RBPMS: variants seen among roughly 807,000 people sequenced by gnomAD.
RBPMS encodes RNA binding protein, mRNA processing factor.
A neutral mutation model predicts 26.8 loss-of-function variants in RBPMS; 7 were observed. That is an observed-to-expected ratio of 0.26 (90% confidence interval 0.15 to 0.49). The LOEUF (loss-of-function observed/expected upper bound fraction) is 0.49. RBPMS is among the 20% of genes least tolerant of loss of function. The pLI, the probability that RBPMS is intolerant of heterozygous loss-of-function variation, is 0.98. For missense variants in RBPMS, 186 were observed against 250.0 expected, an observed-to-expected ratio of 0.74 and a Z score of 1.73; for synonymous variants, 96 against 93.3, an observed-to-expected ratio of 1.03 and a Z score of -0.17.
intron 1 of RBPMS, among the ~76,000 whole-genome samples, chr8:30,437,606 C>G (rs1182286158): frequency 1.3e-5 from 2 of 152,014 alleles, no homozygotes; most frequent in Non-Finnish European, 2.9e-5. Flanking sequence ...GCCTGGCCAA[C>G]ATGGCAAAAC....
At chr8:30,474,418 C>T (rs1032535459) in intron 1 of RBPMS, among the ~76,000 whole-genome samples, 5 of 152,002 alleles carry the variant, frequency 3.3e-5, no homozygotes, top group Non-Finnish European at 5.9e-5. Flanking sequence ...TATGGAACCT[C>T]CCCCCATCCT....
At chr8:30,554,162 A>C (rs7825548) in intron 6 of RBPMS, among the ~76,000 whole-genome samples, 1,746 of 152,356 alleles carry the variant, frequency 0.011, 29 homozygotes, top group African/African-American at 0.041. Flanking sequence ...CAGGTACAGC[A>C]TCTGCACTAG....
chr8:30,457,349 C>A (rs1815334932), intron 1 of RBPMS, among the ~76,000 whole-genome samples: 2 of 151,884 alleles, frequency 1.3e-5, no homozygotes, highest in Non-Finnish European at 2.9e-5. Flanking sequence ...TTTGTAAATT[C>A]CAAGGTCCTG....
Position 30,449,415 on chromosome 8 carries a change from G to A in RBPMS, c.67-25364G>A, listed in dbSNP as rs868348573. Among the ~76,000 whole-genome samples, 14 of 136,936 alleles carry A rather than the reference G, an allele frequency of 1.0e-4. 1 individual carries two copies. In the Middle Eastern group the frequency reaches 0.031, roughly 308 times the overall value. The allele number at this position is 136,936 out of a possible 152,430, so 89.8% of individuals were successfully genotyped here. On this transcript the variant is annotated intron_variant, in intron 1 of 8. Coordinates refer to ENST00000397323, the MANE Select transcript of RBPMS (RefSeq NM_001008710.3). ...TGAGACAGAGTGAGACTCTTGCCCC[G>A]GCTGGAGTGCAATGGCACGATTTCA...
At chr8:30,476,036 A>G (rs896449555) in intron 2 of RBPMS, among the ~76,000 whole-genome samples, 1 of 152,210 alleles carries the variant, frequency 6.6e-6, no homozygotes, top group Non-Finnish European at 1.5e-5. Flanking sequence ...TTTTTATAGA[A>G]TGCAAACTTT....
At chr8:30,557,497 A>G (rs1473403586) in intron 6 of RBPMS, among the ~76,000 whole-genome samples, 3 of 152,296 alleles carry the variant, frequency 2.0e-5, no homozygotes, top group Non-Finnish European at 4.4e-5. Flanking sequence ...CCTGTAAAAC[A>G]AGGAGATGAG....
intron 4 of RBPMS, among the ~76,000 whole-genome samples, chr8:30,485,572 G>T (rs1438522185): frequency 1.3e-5 from 2 of 152,192 alleles, no homozygotes; most frequent in Non-Finnish European, 2.9e-5. Context: ...GACGTCACAG[G>T]GTTGGGAACG....
rs1357545234 is a variant in RBPMS, at chr8:30,571,694, A to G, written c.*1169A>G. Reference sequence around the variant, plus strand: ...TGTGAGACGTCCTGCCACACCCCACAGGAGACGGAGGCAGTGGGCATTTGG... The same window carrying G: ...TGTGAGACGTCCTGCCACACCCCACGGGAGACGGAGGCAGTGGGCATTTGG... On this transcript the variant is annotated 3_prime_UTR_variant, in exon 9 of 9. Coordinates refer to ENST00000397323, the MANE Select transcript of RBPMS (RefSeq NM_001008710.3). 1 of 152,314 alleles carries G rather than the reference A, an allele frequency of 6.6e-6. No homozygotes were observed. Among genetic ancestry groups the G allele is most frequent in the Non-Finnish European group, 1.5e-5 (1 of 68,066 alleles). 9.4% of individuals were successfully genotyped at this position (152,314 alleles called of 1,614,324 possible).
intron 5 of RBPMS, among the ~76,000 whole-genome samples, chr8:30,511,487 ATATATATATATAT>A (rs1346061420): frequency 0.042 from 532 of 12,678 alleles, 12 homozygotes; most frequent in African/African-American, 0.078. Flanking sequence ...AAAAAAAAAA[ATATATATATATAT>A]ATATATATAT....
At chr8:30,518,715 T>TTTTTTTTC (rs1554533805) in intron 5 of RBPMS, among the ~76,000 whole-genome samples, 1 of 129,924 alleles carries the variant, frequency 7.7e-6, no homozygotes, top group African/African-American at 3.2e-5. Context: ...TTTTTTTTTT[T>TTTTTTTTC]CTGAAAAGGA....
intron 4 of RBPMS, among the ~76,000 whole-genome samples, chr8:30,490,197 A>G (rs1309790794): frequency 1.3e-5 from 2 of 152,232 alleles, no homozygotes; most frequent in African/African-American, 4.8e-5. Flanking sequence ...CTTATAGTTA[A>G]TGGTAAAATT....
At chr8:30,533,152 C>G (rs148882029) in intron 5 of RBPMS, among the ~76,000 whole-genome samples, 3 of 152,268 alleles carry the variant, frequency 2.0e-5, no homozygotes, top group Non-Finnish European at 2.9e-5. Flanking sequence ...TTTTTTGTAA[C>G]TGGAGACTGC....
At chr8:30,518,842 A>T (rs1822676296) in intron 5 of RBPMS, among the ~76,000 whole-genome samples, 1 of 151,304 alleles carries the variant, frequency 6.6e-6, no homozygotes, top group Non-Finnish European at 1.5e-5. Flanking sequence ...CCTACACTTG[A>T]TAGATGGAGC....
At chr8:30,419,943 G>T (rs1045144010) in intron 1 of RBPMS, among the ~76,000 whole-genome samples, 2 of 152,170 alleles carry the variant, frequency 1.3e-5, no homozygotes, top group Non-Finnish European at 2.9e-5. Context: ...GACCTGAATA[G>T]GTCTGGTGCA....
chr8:30,504,274 C>CT lies in RBPMS; in HGVS notation c.247-11dup. ...AATGAAAACATCTTCCATTTGTTCT[C>CT]TGTTTCCAAAGGGCATCCGCTTCGA... On this transcript the variant is annotated splice_polypyrimidine_tract_variant and intron_variant, in intron 4 of 8. Coordinates refer to ENST00000397323, the MANE Select transcript of RBPMS (RefSeq NM_001008710.3). The CT allele has an allele frequency of 6.2e-7, 1 of 1,613,928 alleles. No homozygotes were observed. Among genetic ancestry groups the CT allele is most frequent in the Admixed American group, 1.7e-5 (1 of 60,010 alleles).
chr8:30,551,592 G>A (rs1481810059), intron 6 of RBPMS, among the ~76,000 whole-genome samples: 3 of 152,092 alleles, frequency 2.0e-5, no homozygotes, highest in African/African-American at 4.8e-5. Flanking sequence ...CAGATCCTAC[G>A]CGCCTTCTCC....
intron 4 of RBPMS, 22 bp downstream of exon 4, chr8:30,479,399 G>C (rs1374151537): frequency 6.4e-7 from 1 of 1,557,076 alleles, no homozygotes; most frequent in Admixed American, 1.8e-5. Flanking sequence ...TGATGTAATT[G>C]TAGGGGGTTT....
chr8:30,557,450 G>T (rs1054202461), intron 6 of RBPMS, among the ~76,000 whole-genome samples: 1 of 152,148 alleles, frequency 6.6e-6, no homozygotes, highest in Non-Finnish European at 1.5e-5. Flanking sequence ...TGTGACCAAG[G>T]TCATTGAGAA....
chr8:30,412,556 C>G (rs766478352), intron 1 of RBPMS, among the ~76,000 whole-genome samples: 3 of 151,942 alleles, frequency 2.0e-5, no homozygotes, highest in Non-Finnish European at 2.9e-5. Context: ...CCTCTCAAAA[C>G]CAATTATAGT....
Sources: gnomAD v4.1 joint callset for allele counts (sites outside exome capture counted in the v4.1 genomes callset) on GRCh38, gnomAD v4.1.1 for gene constraint, MANE v1.5 for transcripts, NCBI Gene and HGNC (gene_info 2026-07-23, HGNC 2026-07-21) for gene names.